The following LRRTM4 variants were observed in gnomAD, a reference collection of about 807,000 sequenced individuals.
LRRTM4 encodes leucine-rich repeat transmembrane neuronal protein 4.
Under a neutral mutation model 47.6 loss-of-function variants are expected in LRRTM4, and 25 were observed. The observed-to-expected ratio is 0.53, with a 90% CI of 0.38 to 0.73. LRRTM4 has a LOEUF of 0.73. Among genes scored for constraint, LRRTM4 ranks in the 30% least tolerant of loss-of-function variants. LRRTM4 has a pLI of 0.00. For synonymous variants in LRRTM4, 311 were observed against 269.5 expected (o/e 1.15, Z -1.51); for missense variants, 638 against 713.4 (o/e 0.89, Z 1.20).
At chr2:76,767,096 G>A (rs569593045) in intron 3 of LRRTM4, among the ~76,000 whole-genome samples, 7 of 152,198 alleles carry the variant, frequency 4.6e-5, no homozygotes, top group Non-Finnish European at 1.0e-4. Context: ...ACCCTTTGCA[G>A]ATCCTCCCCT....
intron 3 of LRRTM4, among the ~76,000 whole-genome samples, chr2:77,366,088 A>C: frequency 6.6e-6 from 1 of 151,702 alleles, no homozygotes; most frequent in East Asian, 1.9e-4. Context: ...ACATCAATGA[A>C]TATAATGAAT....
chr2:76,870,991 G>A lies in LRRTM4; in HGVS notation c.1552-122075C>T, dbSNP rs552518705. The stretch of plus-strand genomic sequence containing the variant: ...AATCCAGAATAAGTCCACTACTCCT[G>A]ACTATGCTTACAGAGCTACATCTTA... On this transcript the variant is annotated intron_variant, in intron 3 of 3. Transcript: ENST00000409884. Among the ~76,000 whole-genome samples the A allele has an allele frequency of 2.2e-3, 334 of 152,240 alleles. 1 individual carries two copies. Among genetic ancestry groups the A allele is most frequent in the Non-Finnish European group, 3.8e-3 (261 of 68,030 alleles).
intron 3 of LRRTM4, among the ~76,000 whole-genome samples, chr2:77,271,234 G>T (rs920139663): frequency 1.3e-5 from 2 of 152,170 alleles, no homozygotes; most frequent in African/African-American, 4.8e-5. Context: ...CCCAGAAAAG[G>T]CTGTCATATA....
intron 3 of LRRTM4, among the ~76,000 whole-genome samples, chr2:77,133,298 C>T (rs145287312): frequency 1.7e-4 from 26 of 152,210 alleles, no homozygotes; most frequent in African/African-American, 6.3e-4. Flanking sequence ...ACTGATGCAC[C>T]TCTTCATTAT....
chr2:77,226,367 A>G (rs1674808050), intron 3 of LRRTM4, among the ~76,000 whole-genome samples: 1 of 151,708 alleles, frequency 6.6e-6, no homozygotes, highest in Admixed American at 6.6e-5. Flanking sequence ...TTTTTTACAT[A>G]TAAGAATAGG....
intron 3 of LRRTM4, among the ~76,000 whole-genome samples, chr2:77,071,681 A>G (rs1291154969): frequency 6.6e-6 from 1 of 152,246 alleles, no homozygotes; most frequent in Non-Finnish European, 1.5e-5. Context: ...ATGAAAATGT[A>G]AAAACAAATC....
At chr2:76,916,826 C>T (rs1008021648) in intron 3 of LRRTM4, among the ~76,000 whole-genome samples, 1 of 152,196 alleles carries the variant, frequency 6.6e-6, no homozygotes, top group African/African-American at 2.4e-5. Flanking sequence ...CAGCTTGCTT[C>T]TTAGCAGGCA....
chr2:77,294,449 A>C (rs1676914102), intron 3 of LRRTM4, among the ~76,000 whole-genome samples: 1 of 152,148 alleles, frequency 6.6e-6, no homozygotes, highest in Admixed American at 6.6e-5. Flanking sequence ...ATTTTGATTT[A>C]GTATTTAGAA....
intron 3 of LRRTM4, among the ~76,000 whole-genome samples, chr2:76,815,077 T>A (rs1996426): frequency 0.013 from 2,025 of 152,082 alleles, 62 homozygotes; most frequent in African/African-American, 0.047. Flanking sequence ...CTAAAAATGT[T>A]CTGCCTTTCG....
At chr2:77,447,232 T>C (rs368631813) in intron 3 of LRRTM4, among the ~76,000 whole-genome samples, 277 of 150,382 alleles carry the variant, frequency 1.8e-3, no homozygotes, top group African/African-American at 6.6e-3. Context: ...TGCAAATTTT[T>C]CCAAGGCAAT....
At chr2:77,278,254 C>A (rs1196300134) in intron 3 of LRRTM4, among the ~76,000 whole-genome samples, 1 of 151,974 alleles carries the variant, frequency 6.6e-6, no homozygotes. Flanking sequence ...CTATTTTTAA[C>A]AGTTCTTATA....
chr2:77,017,280 A>G (rs577740292), intron 3 of LRRTM4, among the ~76,000 whole-genome samples: 1 of 152,330 alleles, frequency 6.6e-6, no homozygotes, highest in East Asian at 1.9e-4. Flanking sequence ...ATATTCTCTA[A>G]GAGTCACATT....
At chr2:76,754,434 A>G (rs1335732697) in intron 3 of LRRTM4, among the ~76,000 whole-genome samples, 3 of 152,176 alleles carry the variant, frequency 2.0e-5, no homozygotes, top group Non-Finnish European at 4.4e-5. Context: ...TGGCTAAACT[A>G]AAGGATGAGC....
intron 3 of LRRTM4, among the ~76,000 whole-genome samples, chr2:77,439,230 C>T (rs1219499487): frequency 1.3e-5 from 2 of 152,120 alleles, no homozygotes; most frequent in South Asian, 2.1e-4. Context: ...TAATTTCCCG[C>T]GTACAGCTCT....
Position 77,519,190 on chromosome 2 carries a change from G to T in LRRTM4, c.679C>A (p.Arg227Ser). The change falls in exon 3 of 4, where the codon CGT becomes AGT. Residue 227 changes from arginine (R) to serine (S), a missense_variant. Arg to Ser is a moderately radical substitution (Grantham distance 110, BLOSUM62 -1). Coordinates refer to ENST00000409884, the MANE Select transcript of LRRTM4 (RefSeq NM_001134745.3). The surrounding 1 kb of genome is among the most constrained non-coding windows in gnomAD (Gnocchi z 4.6). ...FSKINFAHFP[R>S]LFNLRSIYLQ... ...TAAATTGAGCGGAGGTTGAAGAGAC[G>T]TGGAAAATGAGCAAAGTTGATCTTG... The T allele has an allele frequency of 1.2e-6, 2 of 1,613,260 alleles. No homozygotes were observed. Among genetic ancestry groups the T allele is most frequent in the South Asian group, 1.1e-5 (1 of 91,058 alleles).
At chr2:76,898,863 T>C (rs1673517685) in intron 3 of LRRTM4, among the ~76,000 whole-genome samples, 1 of 151,644 alleles carries the variant, frequency 6.6e-6, no homozygotes, top group Non-Finnish European at 1.5e-5. Context: ...AGTTATACTT[T>C]TAATTTTTAC....
At chr2:77,265,282 G>T (rs370917131) in intron 3 of LRRTM4, among the ~76,000 whole-genome samples, 1 of 152,028 alleles carries the variant, frequency 6.6e-6, no homozygotes, top group Non-Finnish European at 1.5e-5. Context: ...CCCAAAGTTC[G>T]TATGTTGTAA....
intron 3 of LRRTM4, among the ~76,000 whole-genome samples, chr2:77,085,326 G>C (rs1039458729): frequency 1.3e-5 from 2 of 149,734 alleles, no homozygotes; most frequent in Non-Finnish European, 3.0e-5. Context: ...AATAATTTAA[G>C]AATCATTGTT....
At chr2:76,787,791 G>T (rs1339016860) in intron 3 of LRRTM4, among the ~76,000 whole-genome samples, 2 of 151,942 alleles carry the variant, frequency 1.3e-5, no homozygotes, top group African/African-American at 4.8e-5. Flanking sequence ...AGGTTCACTT[G>T]ATTTTCTTTT....
Sources: allele counts gnomAD v4.1 joint callset (sites outside exome capture counted in the v4.1 genomes callset), GRCh38; gene constraint gnomAD v4.1.1; non-coding constraint Gnocchi (gnomAD v3.1); transcripts MANE v1.5; gene names NCBI Gene and HGNC (gene_info 2026-07-23, HGNC 2026-07-21).